Variants in ERFL observed in about 807,000 individuals in gnomAD.
ERFL encodes the protein ETS domain-containing transcription factor ERF-like.
A neutral mutation model predicts 27.9 loss-of-function variants in ERFL; 8 were observed. The ratio of observed to expected loss-of-function variants is 0.29; its 90% CI spans 0.17 to 0.52. ERFL has a LOEUF of 0.52. Ranked by LOEUF, ERFL falls within the 20% of genes least tolerant of loss-of-function variation. The pLI, the probability that ERFL is intolerant of heterozygous loss-of-function variation, is 0.97. For missense variants in ERFL, 294 were observed against 444.4 expected (o/e 0.66, Z 3.04); for synonymous variants, 174 against 202.8 (o/e 0.86, Z 1.21).
At position 41,921,209 on chromosome 19, in the gene ERFL, C is replaced by T. The variant is rs1283212945; in HGVS notation, c.-14+6831G>A. Reference sequence around the variant, plus strand: ...CCCCAACCTCACTCGTGGACCCCGCCTCCCCTCAGAGACCCAGAGAGATGG... The same window carrying T: ...CCCCAACCTCACTCGTGGACCCCGCTTCCCCTCAGAGACCCAGAGAGATGG... On this transcript the variant is annotated intron_variant, in intron 1 of 5. Coordinates refer to ENST00000597630, the MANE Select transcript of ERFL (RefSeq NM_001365103.2). The surrounding 1 kb of genome is among the most constrained non-coding windows in gnomAD (Gnocchi z 4.4). Among the ~76,000 whole-genome samples, 1 of 152,046 alleles carries T rather than the reference C, an allele frequency of 6.6e-6. No homozygotes were observed. The highest frequency in any genetic ancestry group is 1.5e-5 in the Non-Finnish European group (1 of 67,998).
rs2074731943 is a variant in ERFL at position 41,908,472 on chromosome 19, G to A, written c.821C>T (p.Ala274Val). 1 of 1,231,516 alleles carries A rather than the reference G, an allele frequency of 8.1e-7. No homozygotes were observed. The highest frequency in any genetic ancestry group is 1.0e-6 in the Non-Finnish European group (1 of 987,848). The allele number at this position is 1,231,516 out of a possible 1,614,324, so 76.3% of individuals were successfully genotyped here. A position where few individuals can be genotyped will look rare whatever the true frequency, so the allele number is the denominator to read the frequency against. ...PSSGAGGGPT[A>V]TPLLASTGEG... ...CCCTGTCGAGGCCAGCAGGGGCGTGGCTGTGGGGCCTCCCCCTGCCCCTGA... is the reference window on the plus strand; with the variant it reads ...CCCTGTCGAGGCCAGCAGGGGCGTGACTGTGGGGCCTCCCCCTGCCCCTGA... The change falls in exon 6 of 6, where the codon GCC becomes GTC. Residue 274 changes from alanine to valine, a missense_variant. Around this residue, in one of 3 missense-constraint regions of ERFL, gnomAD observed 246 missense variants for 371.4 expected, o/e 0.66. Transcript: ENST00000597630. The surrounding 1 kb of genome is among the most constrained non-coding windows in gnomAD (Gnocchi z 6.7).
intron 1 of ERFL, among the ~76,000 whole-genome samples, chr19:41,920,626 T>A (rs2074836697): frequency 6.6e-6 from 1 of 152,214 alleles, no homozygotes; most frequent in African/African-American, 2.4e-5. Flanking sequence ...CACCCATACT[T>A]AGTCACCTGT....
chr19:41,927,263 C>A (rs1555853349), intron 1 of ERFL, among the ~76,000 whole-genome samples: 1 of 152,074 alleles, frequency 6.6e-6, no homozygotes, highest in Non-Finnish European at 1.5e-5. Context: ...AAGGGTGTCC[C>A]AGAGGGCCCC....
chr19:41,915,169 GGTTTTGATTTCTCTTCCC>G (rs1278146619), intron 1 of ERFL, among the ~76,000 whole-genome samples: 3 of 104,926 alleles, frequency 2.9e-5, no homozygotes, highest in South Asian at 3.6e-4. Flanking sequence ...TTTCCGTGTT[GGTTTTGATTTCTCTTCCC>G]GACGCTTTCA....
At chr19:41,920,408 TCA>T (rs781837307) in intron 1 of ERFL, among the ~76,000 whole-genome samples, 10 of 124,702 alleles carry the variant, frequency 8.0e-5, no homozygotes, top group Non-Finnish European at 1.5e-4. Flanking sequence ...TGTGACACAC[TCA>T]CAGACATGAC....
At chr19:41,927,252 A>G (rs1230920169) in intron 1 of ERFL, among the ~76,000 whole-genome samples, 1 of 152,058 alleles carries the variant, frequency 6.6e-6, no homozygotes, top group Non-Finnish European at 1.5e-5. Flanking sequence ...GGAATGATAG[A>G]AAGGGTGTCC....
At chr19:41,920,564 G>A (rs1370208594) in intron 1 of ERFL, among the ~76,000 whole-genome samples, 8 of 149,364 alleles carry the variant, frequency 5.4e-5, no homozygotes, top group African/African-American at 1.3e-4. Flanking sequence ...CAGATGTTAC[G>A]CACTCACAGA....
intron 1 of ERFL, among the ~76,000 whole-genome samples, chr19:41,918,025 A>G (rs1306716020): frequency 6.6e-6 from 1 of 151,070 alleles, no homozygotes; most frequent in East Asian, 1.9e-4. Context: ...GCACCAGGAG[A>G]CCCTGTGCCT....
chr19:41,919,737 G>A (rs1401093220), intron 1 of ERFL, among the ~76,000 whole-genome samples: 5 of 152,074 alleles, frequency 3.3e-5, no homozygotes, highest in African/African-American at 4.8e-5. Flanking sequence ...GCACTCACTT[G>A]GTCCTTCCAC....
chr19:41,926,760 C>T (rs1280629270), intron 1 of ERFL, among the ~76,000 whole-genome samples: 2 of 152,264 alleles, frequency 1.3e-5, no homozygotes, highest in East Asian at 1.9e-4. Context: ...TAGATCCGCG[C>T]GCCGCTTGTC....
chr19:41,923,096 C>CGGT (rs782479421), intron 1 of ERFL: 10 of 455,422 alleles, frequency 2.2e-5, no homozygotes, highest in African/African-American at 2.0e-4. Flanking sequence ...CCTCAGCACC[C>CGGT]CATCCTCACC....
At position 41,917,655 on chromosome 19, in the gene ERFL, C is replaced by G. The variant is rs939838279; in HGVS notation, c.-13-4723G>C. 6.6e-6 allele frequency among the ~76,000 whole-genome samples: 1 copy of G among 151,968 alleles called. No individual in the cohort carries two copies. Among genetic ancestry groups the G allele is most frequent in the African/African-American group, 2.4e-5 (1 of 41,310 alleles). On this transcript the variant is annotated intron_variant, in intron 1 of 5. Coordinates refer to ENST00000597630, the MANE Select transcript of ERFL (RefSeq NM_001365103.2). This position sits in a 1 kb window ranked among gnomAD's most constrained non-coding sequence, Gnocchi z 4.8. ...CCATGCCCCAAAGCACACGCACGCA[C>G]GCACACACACACCCTGACTGCACCC...
chr19:41,917,009 GGT>G lies in ERFL; in HGVS notation c.-13-4079_-13-4078del, dbSNP rs782321934. 1.4e-4 allele frequency among the ~76,000 whole-genome samples: 18 copies of G among 132,094 alleles called. No homozygotes were observed. The highest frequency in any genetic ancestry group is 2.1e-4 in the East Asian group (1 of 4,812). The allele number at this position is 132,094 out of a possible 152,430, so 86.7% of individuals were successfully genotyped here. A position where few individuals can be genotyped will look rare whatever the true frequency, so the allele number is the denominator to read the frequency against. ...AACTTCCCAAGCATGTCTCTGCATG[GGT>G]GTGTGTGTGTGTGTGCACATATGTG... is the stretch of plus-strand genomic sequence containing the variant. On this transcript the variant is annotated intron_variant, in intron 1 of 5. Transcript: ENST00000597630. This position sits in a 1 kb window ranked among gnomAD's most constrained non-coding sequence, Gnocchi z 4.8.
At chr19:41,912,529 C>T (rs902238024) in intron 2 of ERFL, among the ~76,000 whole-genome samples, 1 of 152,234 alleles carries the variant, frequency 6.6e-6, no homozygotes, top group Non-Finnish European at 1.5e-5. Context: ...CTTTTCCCCG[C>T]AGGTCCTGCG....
intron 1 of ERFL, among the ~76,000 whole-genome samples, chr19:41,915,231 G>T (rs911263601): frequency 7.2e-6 from 1 of 138,486 alleles, no homozygotes; most frequent in Admixed American, 8.0e-5. Context: ...ACGTTATAAC[G>T]AGGAGCCGTG....
intron 1 of ERFL, among the ~76,000 whole-genome samples, chr19:41,922,267 C>G (rs1223355902): frequency 1.3e-5 from 2 of 151,942 alleles, no homozygotes; most frequent in African/African-American, 2.4e-5. Flanking sequence ...GAGGTGGAAT[C>G]CAGATTAAAC....
chr19:41,923,279 G>A (rs774347307), intron 1 of ERFL: 1 of 421,888 alleles, frequency 2.4e-6, no homozygotes, highest in Admixed American at 2.6e-5. Context: ...TCAGAGGACA[G>A]AGCAAGGGCC....
At chr19:41,915,949 C>T (rs2074798686) in intron 1 of ERFL, among the ~76,000 whole-genome samples, 1 of 152,066 alleles carries the variant, frequency 6.6e-6, no homozygotes, top group Non-Finnish European at 1.5e-5. Flanking sequence ...TCCCCCCCGC[C>T]GGCCGGCGTG....
chr19:41,926,193 T>A (rs1275947726), intron 1 of ERFL, among the ~76,000 whole-genome samples: 1 of 151,620 alleles, frequency 6.6e-6, no homozygotes, highest in Non-Finnish European at 1.5e-5. Flanking sequence ...AGGTATTACC[T>A]GGAGGGGCAG....
Sources: allele counts gnomAD v4.1 joint callset (sites outside exome capture counted in the v4.1 genomes callset), GRCh38; gene constraint gnomAD v4.1.1; regional missense constraint gnomAD v4.1.1; non-coding constraint Gnocchi (gnomAD v3.1); transcripts MANE v1.5; gene names NCBI Gene and HGNC (gene_info 2026-07-23, HGNC 2026-07-21).